The following RASA3 variants were observed in gnomAD, a reference collection of about 807,000 sequenced individuals.
RASA3 encodes the protein RAS p21 protein activator 3, also known as ras GTPase-activating protein 3.
RASA3 carries 73 observed loss-of-function variants against 110.0 expected under a neutral mutation model. The ratio of observed to expected loss-of-function variants is 0.66; its 90% CI spans 0.55 to 0.81. The LOEUF (loss-of-function observed/expected upper bound fraction) is 0.81. Ranked by LOEUF, RASA3 falls within the 30% of genes least tolerant of loss-of-function variation. The probability of loss-of-function intolerance (pLI) is 0.00; values close to 1 mark genes in which losing one functional copy is unlikely to be tolerated. For synonymous variants in RASA3, 500 were observed against 451.4 expected, an observed-to-expected ratio of 1.11 and a Z score of -1.37; for missense variants, 976 against 1,113.2, an observed-to-expected ratio of 0.88 and a Z score of 1.75.
At chr13:114,125,323 T>C (rs2080430818) in intron 1 of RASA3, among the ~76,000 whole-genome samples, 1 of 152,172 alleles carries the variant, frequency 6.6e-6, no homozygotes, top group Non-Finnish European at 1.5e-5. Flanking sequence ...GTCACGGTGC[T>C]GCAAGCCGTA....
intron 8 of RASA3, among the ~76,000 whole-genome samples, chr13:114,022,230 C>T (rs989670783): frequency 1.3e-5 from 2 of 152,176 alleles, no homozygotes. Context: ...AACACAGCAG[C>T]GGCTCCCACT....
At chr13:114,003,793 C>A (rs1324292013) in intron 18 of RASA3, among the ~76,000 whole-genome samples, 4 of 152,126 alleles carry the variant, frequency 2.6e-5, no homozygotes, top group African/African-American at 7.2e-5. Context: ...AAATTATTAG[C>A]CAATCAGGTC....
intron 3 of RASA3, among the ~76,000 whole-genome samples, chr13:114,045,822 C>G (rs775777381): frequency 6.6e-6 from 1 of 152,194 alleles, no homozygotes. Context: ...CCTCAGAAAT[C>G]TTTAACCACT....
chr13:114,013,645 T>G (rs1452672616), intron 14 of RASA3, among the ~76,000 whole-genome samples: 8 of 146,446 alleles, frequency 5.5e-5, no homozygotes, highest in African/African-American at 1.8e-4. Context: ...TCTCCATCTC[T>G]TTGTCTCTCT....
At chr13:114,060,568 C>T (rs1269306903) in intron 2 of RASA3, among the ~76,000 whole-genome samples, 2 of 152,204 alleles carry the variant, frequency 1.3e-5, no homozygotes, top group African/African-American at 2.4e-5. Context: ...CCAAGACTGC[C>T]GGGAAGCCAG....
intron 4 of RASA3, among the ~76,000 whole-genome samples, chr13:114,037,399 G>A (rs1286577918): frequency 6.6e-6 from 1 of 152,144 alleles, no homozygotes; most frequent in Non-Finnish European, 1.5e-5. Flanking sequence ...AGCGACATTA[G>A]CCTCAGAAAG....
At chr13:114,130,680 C>T (rs1223781999) in intron 1 of RASA3, among the ~76,000 whole-genome samples, 1 of 152,222 alleles carries the variant, frequency 6.6e-6, no homozygotes, top group Non-Finnish European at 1.5e-5. Context: ...TAAAGTCCTG[C>T]CGTGGCCTGA....
chr13:114,014,968 C>A lies in RASA3; in HGVS notation c.1405+241G>T, dbSNP rs1443356566. Among the ~76,000 whole-genome samples the A allele has an allele frequency of 3.3e-5, 5 of 152,008 alleles. No homozygotes were observed. Among genetic ancestry groups the A allele is most frequent in the East Asian group, 1.9e-4 (1 of 5,162 alleles). ...CGGTGGTGATCTCCAGGGCTGGGGT[C>A]CCCTGGAGACTACTGTGGAGGTGAA... On this transcript the variant is annotated intron_variant, in intron 14 of 23. Transcript: ENST00000334062. The surrounding 1 kb of genome is among the most constrained non-coding windows in gnomAD (Gnocchi z 4.5).
chr13:114,024,142 C>T lies in RASA3; in HGVS notation c.680+137G>A, dbSNP rs540644803. On this transcript the variant is annotated intron_variant, in intron 8 of 23. Transcript: ENST00000334062. ...CTGTCACTTCAACTACAACTTCTAA[C>T]ATCCTGTTGTGAAAATTACCAAGAA... The T allele has an allele frequency of 1.5e-5, 14 of 925,202 alleles. No individual in the cohort carries two copies. In the African/African-American group the frequency reaches 2.0e-4, roughly 13 times the overall value. 57.3% of individuals were successfully genotyped at this position (925,202 alleles called of 1,614,324 possible). A position where few individuals can be genotyped will look rare whatever the true frequency, so the allele number is the denominator to read the frequency against.
At chr13:114,041,894 C>A (rs1476525150) in intron 3 of RASA3, among the ~76,000 whole-genome samples, 3 of 152,140 alleles carry the variant, frequency 2.0e-5, no homozygotes, top group African/African-American at 7.2e-5. Context: ...CGGAGGAGAA[C>A]AGAGGCTCTG....
rs543127933 is a variant in RASA3, at chr13:114,098,179, T to C, written c.56-24342A>G. 3.9e-5 allele frequency among the ~76,000 whole-genome samples: 6 copies of C among 151,994 alleles called. 1 individual carries two copies. The highest frequency in any genetic ancestry group is 1.4e-4 in the African/African-American group (6 of 41,456). ...TGGCTAAAGACACAGCACACAGGGCTACAGCGGGCAGCCTGTGGTCAACAG... is the reference window on the plus strand; with the variant it reads ...TGGCTAAAGACACAGCACACAGGGCCACAGCGGGCAGCCTGTGGTCAACAG... On this transcript the variant is annotated intron_variant, in intron 1 of 23. Transcript: ENST00000334062.
At position 114,069,341 on chromosome 13, in the gene RASA3, C is replaced by T. The variant is rs141949757; in HGVS notation, c.173+4379G>A. Among the ~76,000 whole-genome samples, 863 of 151,346 alleles carry T rather than the reference C, an allele frequency of 5.7e-3. 1 individual carries two copies. Among genetic ancestry groups the T allele is most frequent in the African/African-American group, 0.017 (680 of 41,120 alleles). ...GCCCTTCTGAGCTCAGAGATGCAGA[C>T]GTGGGCTTTTTTCTTTCCACAGCGA... On this transcript the variant is annotated intron_variant, in intron 2 of 23. Transcript: ENST00000334062.
Position 114,011,920 on chromosome 13 carries a change from C to CA in RASA3, c.1513-673dup, listed in dbSNP as rs1265731160. On this transcript the variant is annotated intron_variant, in intron 15 of 23. Coordinates refer to ENST00000334062, the MANE Select transcript of RASA3 (RefSeq NM_007368.4). The surrounding 1 kb of genome is among the most constrained non-coding windows in gnomAD (Gnocchi z 4.8). The stretch of plus-strand genomic sequence containing the variant: ...CTGGTGACAGAGCAAGACTCTGTCT[C>CA]AAAAAAAAAGAAGTGCTGGGGAATG... Among the ~76,000 whole-genome samples, 119 of 150,240 alleles carry CA rather than the reference C, an allele frequency of 7.9e-4. No individual in the cohort carries two copies. The highest frequency in any genetic ancestry group is 1.3e-3 in the Admixed American group (20 of 15,072).
intron 2 of RASA3, among the ~76,000 whole-genome samples, chr13:114,063,831 G>A (rs924657159): frequency 6.6e-6 from 1 of 152,178 alleles, no homozygotes; most frequent in Non-Finnish European, 1.5e-5. Flanking sequence ...AGCATACGCC[G>A]TCTTATAAAT....
At chr13:114,092,997 C>T (rs1298076529) in intron 1 of RASA3, among the ~76,000 whole-genome samples, 1 of 152,104 alleles carries the variant, frequency 6.6e-6, no homozygotes, top group Non-Finnish European at 1.5e-5. Flanking sequence ...AAAAAAGAGA[C>T]AAAACCATGT....
intron 1 of RASA3, among the ~76,000 whole-genome samples, chr13:114,108,488 CCCGT>C (rs1301129285): frequency 1.4e-5 from 2 of 144,386 alleles, no homozygotes; most frequent in East Asian, 2.1e-4. Context: ...TCCATGATCC[CCCGT>C]CCGTCACCCC....
intron 4 of RASA3, among the ~76,000 whole-genome samples, chr13:114,031,262 T>A (rs1469955046): frequency 6.6e-6 from 1 of 150,694 alleles, no homozygotes; most frequent in Admixed American, 6.6e-5. Context: ...TGTCTGCCTG[T>A]GTTTGCATGA....
chr13:114,042,397 G>A (rs1293445819), intron 3 of RASA3, among the ~76,000 whole-genome samples: 1 of 152,254 alleles, frequency 6.6e-6, no homozygotes, highest in Non-Finnish European at 1.5e-5. Flanking sequence ...TGAAGTCTGA[G>A]CCCATCACAG....
At chr13:114,097,829 C>T (rs965401856) in intron 1 of RASA3, among the ~76,000 whole-genome samples, 1 of 152,308 alleles carries the variant, frequency 6.6e-6, no homozygotes, top group African/African-American at 2.4e-5. Flanking sequence ...GGAGTGGATG[C>T]CTCAGGAAGG....
Sources: gnomAD v4.1 joint callset for allele counts (sites outside exome capture counted in the v4.1 genomes callset) on GRCh38, gnomAD v4.1.1 for gene constraint, Gnocchi (gnomAD v3.1) non-coding constraint, MANE v1.5 for transcripts, NCBI Gene and HGNC (gene_info 2026-07-23, HGNC 2026-07-21) for gene names.